CORO7: variants seen among roughly 807,000 people sequenced by gnomAD.
The protein encoded by CORO7 is coronin-7.
In CORO7, 107 loss-of-function variants were observed where a neutral mutation model predicts 126.6. The ratio of observed to expected loss-of-function variants is 0.85; its 90% CI spans 0.72 to 0.99. CORO7 has a LOEUF of 0.99. Among genes scored for constraint, CORO7 ranks in the 50% least tolerant of loss-of-function variants. CORO7 has a pLI of 0.00. For synonymous variants in CORO7, 603 were observed against 536.8 expected (o/e 1.12, Z -1.70); for missense variants, 1,314 against 1,255.8 (o/e 1.05, Z -0.70).
At chr16:4,388,399 G>C in intron 8 of CORO7, 146 bp downstream of exon 8, 1 of 908,174 alleles carries the variant, frequency 1.1e-6, no homozygotes, top group East Asian at 2.7e-5. Flanking sequence ...CTGAGGCTCT[G>C]AGACCCGGCA....
intron 7 of CORO7, among the ~76,000 whole-genome samples, chr16:4,389,061 C>T (rs532047826): frequency 2.0e-5 from 3 of 152,294 alleles, no homozygotes; most frequent in African/African-American, 2.4e-5. Context: ...GCTCACGATG[C>T]GGTGCCACCC....
chr16:4,361,695 G>A (rs1448191259), intron 16 of CORO7: 13 of 790,662 alleles, frequency 1.6e-5, no homozygotes, highest in Non-Finnish European at 2.6e-5. Context: ...GGCGGGAAAA[G>A]CTCCGGCTTA....
intron 6 of CORO7, among the ~76,000 whole-genome samples, chr16:4,404,812 T>G (rs1295187874): frequency 1.3e-5 from 2 of 152,012 alleles, no homozygotes; most frequent in East Asian, 3.9e-4. Flanking sequence ...CGCATCCCCC[T>G]GTAGACACTG....
chr16:4,375,896 C>T (rs774630884), intron 9 of CORO7, among the ~76,000 whole-genome samples: 1 of 152,184 alleles, frequency 6.6e-6, no homozygotes, highest in Admixed American at 6.5e-5. Context: ...GCCCTGGCGT[C>T]ACAGGTGGGA....
chr16:4,354,991 T>G lies in CORO7; in HGVS notation c.*167A>C. 1.5e-6 allele frequency: 1 copy of G among 667,982 alleles called. No individual in the cohort carries two copies. Among genetic ancestry groups the G allele is most frequent in the Non-Finnish European group, 2.3e-6 (1 of 427,922 alleles). 41.4% of individuals were successfully genotyped at this position (667,982 alleles called of 1,614,324 possible). ...AGACAGCAGAGGTGAAAACAGTCCC[T>G]GGGAACTGCCAGAGGCCCAGAGGAT... On this transcript the variant is annotated 3_prime_UTR_variant, in exon 28 of 28. Coordinates refer to ENST00000251166, the MANE Select transcript of CORO7 (RefSeq NM_024535.5).
At chr16:4,404,984 C>A (rs962232716) in intron 6 of CORO7, among the ~76,000 whole-genome samples, 3 of 152,212 alleles carry the variant, frequency 2.0e-5, no homozygotes, top group Admixed American at 2.0e-4. Flanking sequence ...CTGCCCCGCA[C>A]CTGCCTGTCC....
At position 4,383,711 on chromosome 16, in the gene CORO7, G is replaced by A. The variant is rs2055088431; in HGVS notation, c.785+4275C>T. Among the ~76,000 whole-genome samples, 3 of 152,206 alleles carry A rather than the reference G, an allele frequency of 2.0e-5. No individual in the cohort carries two copies. The South Asian group carries it at 6.2e-4, about 31-fold the overall frequency. On this transcript the variant is annotated intron_variant, in intron 9 of 27. Coordinates refer to ENST00000251166, the MANE Select transcript of CORO7 (RefSeq NM_024535.5). ...TGAGGCTGGGCCCAGGTGGGAGCAG[G>A]GCTGCCTCTGGCCTCGGACAAGAAC...
Position 4,357,347 on chromosome 16 carries a change from CTTTCTTTCT to C in CORO7, c.2594-97_2594-89del, listed in dbSNP as rs1247579352. The stretch of plus-strand genomic sequence containing the variant: ...CCTCGGGGATTTCTTTCTTTCTTTT[CTTTCTTTCT>C]TTTTTTTTTTTTTTTTTTGAGATGG... On this transcript the variant is annotated intron_variant, in intron 25 of 27. Coordinates refer to ENST00000251166, the MANE Select transcript of CORO7 (RefSeq NM_024535.5). 8.3e-4 allele frequency: 791 copies of C among 957,152 alleles called. 4 individuals are homozygous for C. The African/African-American group carries it at 0.014, about 17-fold the overall frequency. 59.3% of individuals were successfully genotyped at this position (957,152 alleles called of 1,614,324 possible). A position where few individuals can be genotyped will look rare whatever the true frequency, so the allele number is the denominator to read the frequency against.
intron 7 of CORO7, among the ~76,000 whole-genome samples, chr16:4,389,885 AAC>A (rs1237791586): frequency 6.6e-6 from 1 of 152,068 alleles, no homozygotes; most frequent in Non-Finnish European, 1.5e-5. Context: ...TCATTCAAGA[AAC>A]ACACAAGGCC....
chr16:4,365,660 C>T, intron 9 of CORO7, 115 bp from the exon 10 acceptor site: 1 of 1,345,634 alleles, frequency 7.4e-7, no homozygotes. Context: ...CTTGGCCATC[C>T]AGCCATGTTC....
intron 3 of CORO7, among the ~76,000 whole-genome samples, chr16:4,411,059 G>A (rs1342662072): frequency 6.6e-6 from 1 of 152,144 alleles, no homozygotes; most frequent in Non-Finnish European, 1.5e-5. Flanking sequence ...TTCCAAAACT[G>A]GATGGCAGTG....
At chr16:4,374,622 G>A (rs933984558) in intron 9 of CORO7, among the ~76,000 whole-genome samples, 5 of 152,290 alleles carry the variant, frequency 3.3e-5, no homozygotes, top group African/African-American at 1.2e-4. Context: ...ATTGAGAGCA[G>A]TGCGGGGGCA....
chr16:4,382,998 G>A (rs926440512), intron 9 of CORO7: 65 of 1,292,568 alleles, frequency 5.0e-5, no homozygotes, highest in Middle Eastern at 2.5e-4. Context: ...TCCCAACCTC[G>A]GGGATGTGTG....
chr16:4,404,501 G>A (rs988544630), intron 6 of CORO7, among the ~76,000 whole-genome samples: 10 of 152,160 alleles, frequency 6.6e-5, no homozygotes, highest in East Asian at 1.9e-4. Context: ...CTTTTCACCT[G>A]CAGCCGGATT....
rs543713876 is a variant in CORO7, at chr16:4,381,234, C to T, written c.785+6752G>A. 3.1e-5 allele frequency: 50 copies of T among 1,612,034 alleles called. No homozygotes were observed. The Admixed American group carries it at 7.3e-4, about 24-fold the overall frequency. Reference sequence around the variant, plus strand: ...GGCTGCATGAAATCACCAATGAGACCTTCCGTGGCCTGCGGCGCCTCGAGC... The same window carrying T: ...GGCTGCATGAAATCACCAATGAGACTTTCCGTGGCCTGCGGCGCCTCGAGC... On this transcript the variant is annotated intron_variant, in intron 9 of 27. Transcript: ENST00000251166.
At chr16:4,364,488 T>A in intron 13 of CORO7, 75 bp from the exon 14 acceptor site, 1 of 1,477,032 alleles carries the variant, frequency 6.8e-7, no homozygotes. Context: ...GAGGGTCAAC[T>A]GGGTAGGGAT....
At chr16:4,396,002 G>GTGTGTGTGTGTA (rs2055575278) in intron 6 of CORO7, among the ~76,000 whole-genome samples, 1 of 150,796 alleles carries the variant, frequency 6.6e-6, no homozygotes, top group Non-Finnish European at 1.5e-5. Flanking sequence ...CACGTTGTGT[G>GTGTGTGTGTGTA]TGTGTGTGTA....
Position 4,362,785 on chromosome 16 carries a change from C to A in CORO7, c.1276-47G>T. ...GCCAGCCTGCTCCTAGGTGTACTGG[C>A]CAAAAGGAGGGGGTGCCAGCGGACT... On this transcript the variant is annotated intron_variant, in intron 14 of 27. Transcript: ENST00000251166. The surrounding 1 kb of genome is among the most constrained non-coding windows in gnomAD (Gnocchi z 5.3). 7.7e-7 allele frequency: 1 copy of A among 1,295,510 alleles called. No individual in the cohort carries two copies. The highest frequency in any genetic ancestry group is 3.1e-5 in the East Asian group (1 of 32,138). 80.3% of individuals were successfully genotyped at this position (1,295,510 alleles called of 1,614,324 possible).
At position 4,412,380 on chromosome 16, in the gene CORO7, C is replaced by A. The variant is rs369043158; in HGVS notation, c.208G>T (p.Val70Leu). 9 of 1,614,176 alleles carry A rather than the reference C, an allele frequency of 5.6e-6. No homozygotes were observed. Among genetic ancestry groups the A allele is most frequent in the Non-Finnish European group, 2.5e-6 (3 of 1,180,034 alleles). ...LQGQGEDKRR[V>L]AHLGCHSDLV... ...CCTGAATGGCAGCCCAGGTGGGCCA[C>A]GCGTCGCTTGTCCTCTCCTTGGCCT... Residue 70 changes from valine to leucine, a missense_variant, in exon 3 of 28, where the codon GTG (valine) becomes TTG (leucine). Physicochemically the swap from Val to Leu is conservative, Grantham distance 32 (BLOSUM62 1). Transcript: ENST00000251166.
Sources: gnomAD v4.1 joint callset for allele counts (sites outside exome capture counted in the v4.1 genomes callset) on GRCh38, gnomAD v4.1.1 for gene constraint, Gnocchi (gnomAD v3.1) non-coding constraint, MANE v1.5 for transcripts, NCBI Gene and HGNC (gene_info 2026-07-23, HGNC 2026-07-21) for gene names.